FHIP1A: variants seen among roughly 807,000 people sequenced by gnomAD.
FHIP1A encodes the protein FHF complex subunit HOOK-interacting protein 1A.
Under a neutral mutation model 88.6 loss-of-function variants are expected in FHIP1A, and 61 were observed. That is an observed-to-expected ratio of 0.69 (90% confidence interval 0.56 to 0.85). The LOEUF (loss-of-function observed/expected upper bound fraction) is 0.85. Among genes scored for constraint, FHIP1A ranks in the 40% least tolerant of loss-of-function variants. FHIP1A has a pLI of 0.00. For missense variants in FHIP1A, 1,154 were observed against 1,273.5 expected, an observed-to-expected ratio of 0.91 and a Z score of 1.43; for synonymous variants, 478 against 496.0, an observed-to-expected ratio of 0.96 and a Z score of 0.48.
At chr4:151,416,208 T>C (rs1732884303) in intron 1 of FHIP1A, among the ~76,000 whole-genome samples, 1 of 152,212 alleles carries the variant, frequency 6.6e-6, no homozygotes, top group South Asian at 2.1e-4. Context: ...TCAGGCTCAT[T>C]GAGGTGGGAA....
intron 4 of FHIP1A, among the ~76,000 whole-genome samples, chr4:151,568,148 G>A (rs1733462465): frequency 1.3e-5 from 2 of 152,232 alleles, no homozygotes; most frequent in South Asian, 4.1e-4. Context: ...AAGACTATTG[G>A]TCCCAGAATC....
chr4:151,592,885 T>C (rs539775306), intron 7 of FHIP1A, among the ~76,000 whole-genome samples: 1 of 152,362 alleles, frequency 6.6e-6, no homozygotes, highest in South Asian at 2.1e-4. Flanking sequence ...CTAGGGTTTT[T>C]ATGATTTTAG....
chr4:151,569,314 AAGGATG>A (rs1186655073), intron 4 of FHIP1A, among the ~76,000 whole-genome samples: 2 of 152,098 alleles, frequency 1.3e-5, no homozygotes, highest in African/African-American at 4.8e-5. Flanking sequence ...AGCACTTTGG[AAGGATG>A]AGGCGGGCAC....
intron 1 of FHIP1A, among the ~76,000 whole-genome samples, chr4:151,441,572 A>G (rs370914845): frequency 6.6e-6 from 1 of 152,304 alleles, no homozygotes; most frequent in African/African-American, 2.4e-5. Flanking sequence ...TACATACTCT[A>G]TCTCTTTATG....
chr4:151,556,507 C>T (rs1172932009), intron 3 of FHIP1A, among the ~76,000 whole-genome samples: 1 of 152,112 alleles, frequency 6.6e-6, no homozygotes, highest in Non-Finnish European at 1.5e-5. Context: ...GATGGCTTAC[C>T]TGTATTACAT....
intron 3 of FHIP1A, among the ~76,000 whole-genome samples, chr4:151,555,195 C>T (rs1732900668): frequency 6.6e-6 from 1 of 152,094 alleles, no homozygotes; most frequent in Non-Finnish European, 1.5e-5. Flanking sequence ...GTATTTGTGT[C>T]TCTGCATGAT....
chr4:151,453,257 C>T (rs1355306670), intron 1 of FHIP1A, among the ~76,000 whole-genome samples: 1 of 152,168 alleles, frequency 6.6e-6, no homozygotes, highest in Non-Finnish European at 1.5e-5. Flanking sequence ...CTCAAGTGAT[C>T]CGCCCGCCTT....
intron 2 of FHIP1A, among the ~76,000 whole-genome samples, chr4:151,469,415 A>G (rs780742833): frequency 6.6e-6 from 1 of 152,204 alleles, no homozygotes; most frequent in Non-Finnish European, 1.5e-5. Context: ...GCTTCTTTTT[A>G]AAATTTGATA....
intron 3 of FHIP1A, among the ~76,000 whole-genome samples, chr4:151,524,301 CA>C (rs5862962): frequency 0.53 from 72,918 of 136,454 alleles, 17,973 homozygotes; most frequent in Non-Finnish European, 0.56. Context: ...GAATCTGTCT[CA>C]AAAAAAAAAA....
intron 1 of FHIP1A, among the ~76,000 whole-genome samples, chr4:151,452,777 C>CA (rs112360226): frequency 1.4e-3 from 195 of 136,004 alleles, no homozygotes; most frequent in East Asian, 0.014. Flanking sequence ...GACTCTGTCT[C>CA]AAAAAAAAAA....
intron 3 of FHIP1A, among the ~76,000 whole-genome samples, chr4:151,564,720 A>G (rs540258042): frequency 1.4e-3 from 218 of 152,282 alleles, no homozygotes; most frequent in African/African-American, 5.0e-3. Context: ...GGAGTATGTG[A>G]TTTGTGTACT....
intron 3 of FHIP1A, among the ~76,000 whole-genome samples, chr4:151,517,616 G>C (rs11726222): frequency 0.11 from 17,004 of 151,918 alleles, 992 homozygotes; most frequent in African/African-American, 0.13. Flanking sequence ...ATATATTCAT[G>C]CACTGCATAA....
At chr4:151,463,889 G>A (rs1370378624) in intron 2 of FHIP1A, among the ~76,000 whole-genome samples, 1 of 152,126 alleles carries the variant, frequency 6.6e-6, no homozygotes, top group Non-Finnish European at 1.5e-5. Flanking sequence ...TCCATTTAGA[G>A]AGGTTTGGTT....
chr4:151,443,672 T>G (rs1240651249), intron 1 of FHIP1A, among the ~76,000 whole-genome samples: 1 of 147,144 alleles, frequency 6.8e-6, no homozygotes, highest in Non-Finnish European at 1.5e-5. Context: ...GTGAGAATTC[T>G]AAATGAAGCA....
chr4:151,612,490 C>T (rs1016433086), intron 7 of FHIP1A, among the ~76,000 whole-genome samples: 3 of 152,194 alleles, frequency 2.0e-5, no homozygotes, highest in African/African-American at 7.2e-5. Flanking sequence ...ATGCAATTCT[C>T]CTGCCTCAGC....
intron 9 of FHIP1A, among the ~76,000 whole-genome samples, chr4:151,641,183 A>G (rs1388813221): frequency 6.6e-6 from 1 of 152,216 alleles, no homozygotes; most frequent in African/African-American, 2.4e-5. Flanking sequence ...TCTTAATTGA[A>G]TACTTCCTCT....
chr4:151,537,801 T>G (rs1469102902), intron 3 of FHIP1A, among the ~76,000 whole-genome samples: 1 of 152,200 alleles, frequency 6.6e-6, no homozygotes, highest in Admixed American at 6.5e-5. Context: ...GACTATTGTT[T>G]TTTCCTTTTT....
intron 7 of FHIP1A, among the ~76,000 whole-genome samples, chr4:151,610,351 AC>A (rs1245621302): frequency 6.6e-6 from 1 of 152,164 alleles, no homozygotes; most frequent in Non-Finnish European, 1.5e-5. Context: ...ACTCCATGCC[AC>A]CCCATAATGC....
At chr4:151,409,721 G>A (rs1245761057) in intron 1 of FHIP1A, among the ~76,000 whole-genome samples, 1 of 152,086 alleles carries the variant, frequency 6.6e-6, no homozygotes, top group Non-Finnish European at 1.5e-5. Flanking sequence ...GGCGTAACGC[G>A]GTGACTGACC....
Sources: allele counts gnomAD v4.1 joint callset (sites outside exome capture counted in the v4.1 genomes callset), GRCh38; gene constraint gnomAD v4.1.1; transcripts MANE v1.5; gene names NCBI Gene and HGNC (gene_info 2026-07-23, HGNC 2026-07-21).